The following ALCAM variants were observed in gnomAD, a reference collection of about 807,000 sequenced individuals.
ALCAM encodes activated leukocyte cell adhesion molecule, also known as CD166 antigen.
In ALCAM, 30 loss-of-function variants were observed where a neutral mutation model predicts 70.9. The ratio of observed to expected loss-of-function variants is 0.42; its 90% CI spans 0.32 to 0.57. The LOEUF (loss-of-function observed/expected upper bound fraction) is 0.57. Ranked by LOEUF, ALCAM falls within the 20% of genes least tolerant of loss-of-function variation. The pLI, the probability that ALCAM is intolerant of heterozygous loss-of-function variation, is 0.11. For missense variants in ALCAM, 591 were observed against 695.1 expected (o/e 0.85, Z 1.68); for synonymous variants, 249 against 242.5 (o/e 1.03, Z -0.25).
rs1257892987 is a variant in ALCAM at position 105,382,312 on chromosome 3, G to A, written c.73+14831G>A. ...GCATAGTATTCCATGGTGTATATGT[G>A]CCACATTTTCTTAATCCAGTCTATC... On this transcript the variant is annotated intron_variant, in intron 1 of 15. Transcript: ENST00000306107. Among the ~76,000 whole-genome samples, 7 of 151,988 alleles carry A rather than the reference G, an allele frequency of 4.6e-5. No individual in the cohort carries two copies. The East Asian group carries it at 1.4e-3, about 29-fold the overall frequency.
chr3:105,457,136 T>G (rs1000723873), intron 1 of ALCAM, among the ~76,000 whole-genome samples: 1 of 152,172 alleles, frequency 6.6e-6, no homozygotes, highest in Non-Finnish European at 1.5e-5. Context: ...GACTTAATAT[T>G]CCTTAAAATA....
chr3:105,518,768 T>G (rs1056741633), intron 1 of ALCAM, among the ~76,000 whole-genome samples: 5 of 152,068 alleles, frequency 3.3e-5, no homozygotes, highest in Admixed American at 6.6e-5. Context: ...ACTTTGCATA[T>G]TTGGTATTCT....
chr3:105,416,961 C>T lies in ALCAM; in HGVS notation c.73+49480C>T, dbSNP rs576905414. Among the ~76,000 whole-genome samples the T allele has an allele frequency of 2.6e-5, 4 of 152,056 alleles. No homozygotes were observed. In the East Asian group the frequency reaches 5.8e-4, roughly 22 times the overall value. On this transcript the variant is annotated intron_variant, in intron 1 of 15. Coordinates refer to ENST00000306107, the MANE Select transcript of ALCAM (RefSeq NM_001627.4). ...CTTACTTAAAATGTCTCAGTAGCCT[C>T]TCATAACTTCTAATATGAAGTCTAA...
chr3:105,547,727 G>A (rs1184829815), intron 11 of ALCAM, among the ~76,000 whole-genome samples: 1 of 151,376 alleles, frequency 6.6e-6, no homozygotes, highest in African/African-American at 2.4e-5. Context: ...ATGGCTCAAA[G>A]AGAAATTTTA....
At chr3:105,516,294 G>A (rs2152621521) in intron 1 of ALCAM, among the ~76,000 whole-genome samples, 1 of 151,908 alleles carries the variant, frequency 6.6e-6, no homozygotes, top group East Asian at 1.9e-4. Context: ...CACCAAAATG[G>A]CCAAAATTAC....
intron 3 of ALCAM, among the ~76,000 whole-genome samples, chr3:105,527,220 C>T (rs969647567): frequency 6.6e-6 from 1 of 152,138 alleles, no homozygotes; most frequent in African/African-American, 2.4e-5. Context: ...AAGCAAGTGT[C>T]AGCCTTTAAA....
At chr3:105,455,761 C>A (rs914618084) in intron 1 of ALCAM, among the ~76,000 whole-genome samples, 16 of 152,204 alleles carry the variant, frequency 1.1e-4, no homozygotes, top group African/African-American at 3.9e-4. Flanking sequence ...AGTTACTACC[C>A]TTTTCCGGGA....
At chr3:105,470,074 C>T (rs920063069) in intron 1 of ALCAM, among the ~76,000 whole-genome samples, 64 of 146,858 alleles carry the variant, frequency 4.4e-4, no homozygotes, top group Non-Finnish European at 7.7e-4. Context: ...CCATACCATA[C>T]ACACACATTT....
intron 1 of ALCAM, among the ~76,000 whole-genome samples, chr3:105,422,381 T>G (rs1936690587): frequency 6.6e-6 from 1 of 151,464 alleles, no homozygotes; most frequent in Admixed American, 6.6e-5. Context: ...TTATTTCCAG[T>G]GGTACTGGTA....
chr3:105,403,588 C>A (rs545645741), intron 1 of ALCAM, among the ~76,000 whole-genome samples: 2 of 152,128 alleles, frequency 1.3e-5, no homozygotes, highest in East Asian at 2.0e-4. Context: ...GAACAACAGC[C>A]CTTGAATCCC....
At position 105,501,159 on chromosome 3, in the gene ALCAM, CA is replaced by C. The variant is rs1359509350; in HGVS notation, c.74-18905del. ...GCTTCGAAGGCTCTGAGGTGCTGCA[CA>C]AATGCGGGCTGTTATCATTAGCGAG... On this transcript the variant is annotated intron_variant, in intron 1 of 15. Coordinates refer to ENST00000306107, the MANE Select transcript of ALCAM (RefSeq NM_001627.4). Among the ~76,000 whole-genome samples, 28 of 152,258 alleles carry C rather than the reference CA, an allele frequency of 1.8e-4. No individual in the cohort carries two copies. The South Asian group carries it at 5.6e-3, about 30-fold the overall frequency.
chr3:105,471,136 G>A (rs943813654), intron 1 of ALCAM, among the ~76,000 whole-genome samples: 1 of 151,230 alleles, frequency 6.6e-6, no homozygotes, highest in African/African-American at 2.4e-5. Context: ...TCAACTTATT[G>A]GTTTATCGTC....
rs778596893 is a variant in ALCAM at position 105,545,267 on chromosome 3, A to G, written c.1036A>G (p.Ile346Val). The G allele has an allele frequency of 1.2e-6, 2 of 1,609,382 alleles. No individual in the cohort carries two copies. Among genetic ancestry groups the G allele is most frequent in the South Asian group, 2.2e-5 (2 of 91,020 alleles). The change falls in exon 9 of 16, where the codon ATT (isoleucine) becomes GTT (valine). Residue 346 changes from isoleucine to valine, a missense_variant. Physicochemically the swap from Ile to Val is conservative, Grantham distance 29. Coordinates refer to ENST00000306107, the MANE Select transcript of ALCAM (RefSeq NM_001627.4). The stretch of plus-strand genomic sequence containing the variant: ...CCCAAGTGGAGAAGTGACTAGACAG[A>G]TTGGTGATGCCCTACCCGTGTCATG... ...LNPSGEVTRQ[I>V]GDALPVSCTI...
intron 1 of ALCAM, among the ~76,000 whole-genome samples, chr3:105,504,737 C>T (rs74708306): frequency 0.099 from 15,104 of 152,156 alleles, 1,079 homozygotes; most frequent in East Asian, 0.23. Context: ...AGGATGGGGG[C>T]ATGGCAGGCC....
chr3:105,507,809 GAC>G (rs1431673871), intron 1 of ALCAM, among the ~76,000 whole-genome samples: 1 of 152,172 alleles, frequency 6.6e-6, no homozygotes, highest in East Asian at 1.9e-4. Context: ...AGAGAGGAAA[GAC>G]ACAGGTCTTT....
chr3:105,501,952 TA>T (rs1938932584), intron 1 of ALCAM, among the ~76,000 whole-genome samples: 1 of 152,226 alleles, frequency 6.6e-6, no homozygotes, highest in Admixed American at 6.5e-5. Flanking sequence ...TCAATTGATA[TA>T]GAGTTAGAAA....
At chr3:105,422,315 T>C (rs1936689123) in intron 1 of ALCAM, among the ~76,000 whole-genome samples, 1 of 151,458 alleles carries the variant, frequency 6.6e-6, no homozygotes, top group East Asian at 1.9e-4. Flanking sequence ...TGTGCACATG[T>C]CTTTTTCATA....
chr3:105,532,968 A>C (rs1015153610), intron 4 of ALCAM, among the ~76,000 whole-genome samples: 5 of 152,148 alleles, frequency 3.3e-5, no homozygotes, highest in Admixed American at 2.0e-4. Context: ...AAAGTGGGGG[A>C]CAAAGTTGGA....
intron 1 of ALCAM, among the ~76,000 whole-genome samples, chr3:105,424,675 T>C (rs1026894382): frequency 2.0e-5 from 3 of 151,680 alleles, no homozygotes; most frequent in African/African-American, 7.3e-5. Context: ...AAAAGATAAA[T>C]CTGTTTGGAA....
Sources: allele counts gnomAD v4.1 joint callset (sites outside exome capture counted in the v4.1 genomes callset), GRCh38; gene constraint gnomAD v4.1.1; transcripts MANE v1.5; gene names NCBI Gene and HGNC (gene_info 2026-07-23, HGNC 2026-07-21).